The following PDCD1LG2 variants were observed in gnomAD, a reference collection of about 807,000 sequenced individuals.
PDCD1LG2 encodes B7 dendritic cell molecule.
Under a neutral mutation model 28.2 loss-of-function variants are expected in PDCD1LG2, and 32 were observed. That is an observed-to-expected ratio of 1.13 (90% CI 0.86 to 1.52). PDCD1LG2 has a LOEUF of 1.52. Ranked by LOEUF, PDCD1LG2 falls within the 40% of genes most tolerant of loss-of-function variation. PDCD1LG2 has a pLI of 0.00. For missense variants in PDCD1LG2, 385 were observed against 323.8 expected (o/e 1.19, Z -1.45); for synonymous variants, 116 against 120.2 (o/e 0.97, Z 0.23).
rs1390277764 is a variant in PDCD1LG2, at chr9:5,570,813, C to A, written c.*854C>A. 2 of 232,690 alleles carry A rather than the reference C, an allele frequency of 8.6e-6. No homozygotes were observed. The highest frequency in any genetic ancestry group is 2.2e-5 in the African/African-American group (1 of 45,302). The allele number at this position is 232,690 out of a possible 1,614,324, so 14.4% of individuals were successfully genotyped here. A position where few individuals can be genotyped will look rare whatever the true frequency, so the allele number is the denominator to read the frequency against. ...TGGCCAAAGCCCCAAACTAAGCCTC[C>A]TTTTCTGGCCCTCAATATGACTTTA... On this transcript the variant is annotated 3_prime_UTR_variant, in exon 7 of 7. Transcript: ENST00000397747.
intron 5 of PDCD1LG2, among the ~76,000 whole-genome samples, chr9:5,560,882 A>G (rs1201339599): frequency 6.6e-6 from 1 of 152,108 alleles, no homozygotes; most frequent in Non-Finnish European, 1.5e-5. Context: ...TTTTCCCCTA[A>G]GAGGAACCAT....
intron 2 of PDCD1LG2, among the ~76,000 whole-genome samples, chr9:5,527,924 G>C (rs1820410111): frequency 6.6e-6 from 1 of 152,034 alleles, no homozygotes; most frequent in African/African-American, 2.4e-5. Context: ...CGCCTCCCGG[G>C]TTCAGGCTAT....
intron 4 of PDCD1LG2, among the ~76,000 whole-genome samples, chr9:5,550,699 CT>C (rs201167086): frequency 0.16 from 22,335 of 140,690 alleles, 2,137 homozygotes; most frequent in African/African-American, 0.3. Flanking sequence ...CTCTCTCTCT[CT>C]TTTTTTTTTT....
intron 3 of PDCD1LG2, among the ~76,000 whole-genome samples, chr9:5,538,146 T>C (rs1412578834): frequency 6.6e-6 from 1 of 152,188 alleles, no homozygotes; most frequent in African/African-American, 2.4e-5. Context: ...TATTTTTACT[T>C]AGAAGGAATT....
intron 2 of PDCD1LG2, among the ~76,000 whole-genome samples, chr9:5,527,556 A>G (rs1020285276): frequency 2.0e-5 from 3 of 152,186 alleles, no homozygotes; most frequent in Admixed American, 2.0e-4. Context: ...AAATTCCCCA[A>G]TTGGGGCACA....
chr9:5,564,918 A>C (rs925342830), intron 6 of PDCD1LG2, among the ~76,000 whole-genome samples: 1 of 152,350 alleles, frequency 6.6e-6, no homozygotes. Context: ...TACAGTAATG[A>C]GTAACTTTAT....
chr9:5,522,683 C>T, intron 2 of PDCD1LG2, 82 bp downstream of exon 2: 4 of 1,308,428 alleles, frequency 3.1e-6, no homozygotes, highest in Non-Finnish European at 3.3e-6. Context: ...GAATGTGGCC[C>T]TCAGGCTGAG....
chr9:5,564,998 G>A (rs973409205), intron 6 of PDCD1LG2, among the ~76,000 whole-genome samples: 5 of 152,190 alleles, frequency 3.3e-5, no homozygotes, highest in African/African-American at 1.2e-4. Context: ...AATCCTCACA[G>A]TAGCCCTCTG....
chr9:5,550,736 C>A (rs904852741), intron 4 of PDCD1LG2, among the ~76,000 whole-genome samples: 1 of 152,000 alleles, frequency 6.6e-6, no homozygotes. Context: ...TTCTGCCCCC[C>A]AGGCTGGAAT....
chr9:5,522,475 G>C (rs2129724834), intron 1 of PDCD1LG2, 58 bp from the exon 2 acceptor site: 2 of 1,361,488 alleles, frequency 1.5e-6, no homozygotes, highest in Non-Finnish European at 2.1e-6. Flanking sequence ...AGTGAACAAA[G>C]AACCAAAGAC....
chr9:5,525,538 AAATT>A (rs1313915622), intron 2 of PDCD1LG2, among the ~76,000 whole-genome samples: 4 of 151,592 alleles, frequency 2.6e-5, no homozygotes, highest in Non-Finnish European at 5.9e-5. Context: ...GCATGTGAAT[AAATT>A]AATTACAAAA....
intron 3 of PDCD1LG2, among the ~76,000 whole-genome samples, chr9:5,546,333 C>G (rs924494520): frequency 6.6e-6 from 1 of 152,126 alleles, no homozygotes; most frequent in Non-Finnish European, 1.5e-5. Flanking sequence ...CTACTTCATT[C>G]CCCAAAAGAC....
rs944115239 is a variant in PDCD1LG2 at position 5,549,384 on chromosome 9, T to C, written c.411T>C (p.Asp137=). 1.9e-6 allele frequency: 3 copies of C among 1,614,132 alleles called. No individual in the cohort carries two copies. Among genetic ancestry groups the C allele is most frequent in the Non-Finnish European group, 2.5e-6 (3 of 1,180,000 alleles). Residue 137 remains aspartate (D), a synonymous_variant, in exon 4 of 7, where the codon GAT becomes GAC. Transcript: ENST00000397747. ...NTHILKVPET[D]EVELTCQATG... is the part of the protein sequence containing the mutation. ...ACATCCTAAAGGTTCCAGAAACAGA[T>C]GAGGTAGAGCTCACCTGCCAGGCTA...
chr9:5,559,999 G>A (rs538053858), intron 5 of PDCD1LG2, among the ~76,000 whole-genome samples: 77 of 152,210 alleles, frequency 5.1e-4, no homozygotes, highest in African/African-American at 1.6e-3. Context: ...CACCTGAGTT[G>A]GAGTCATCTT....
At chr9:5,528,108 G>A (rs1367250228) in intron 2 of PDCD1LG2, among the ~76,000 whole-genome samples, 1 of 151,728 alleles carries the variant, frequency 6.6e-6, no homozygotes, top group Non-Finnish European at 1.5e-5. Flanking sequence ...GGGATTACAG[G>A]CATGAGCCAC....
At chr9:5,563,541 C>A (rs773501446) in intron 6 of PDCD1LG2, among the ~76,000 whole-genome samples, 2 of 152,134 alleles carry the variant, frequency 1.3e-5, no homozygotes, top group African/African-American at 2.4e-5. Flanking sequence ...TTGCAACAAA[C>A]AATGATTAAG....
chr9:5,561,452 T>G (rs1816561330), intron 5 of PDCD1LG2, among the ~76,000 whole-genome samples: 1 of 152,244 alleles, frequency 6.6e-6, no homozygotes. Flanking sequence ...CAGCTGGGAT[T>G]TGAATACAGG....
At chr9:5,521,878 A>T (rs1046661198) in intron 1 of PDCD1LG2, among the ~76,000 whole-genome samples, 2 of 152,190 alleles carry the variant, frequency 1.3e-5, no homozygotes, top group African/African-American at 4.8e-5. Flanking sequence ...GGATAAAGAA[A>T]GCTTCAGAGT....
At chr9:5,516,314 T>G (rs1160867898) in intron 1 of PDCD1LG2, among the ~76,000 whole-genome samples, 1 of 152,134 alleles carries the variant, frequency 6.6e-6, no homozygotes, top group East Asian at 1.9e-4. Flanking sequence ...GCCTCCCAAG[T>G]GCTGGGATTA....
Sources: allele counts gnomAD v4.1 joint callset (sites outside exome capture counted in the v4.1 genomes callset), GRCh38; gene constraint gnomAD v4.1.1; transcripts MANE v1.5; gene names NCBI Gene and HGNC (gene_info 2026-07-23, HGNC 2026-07-21).